DSC2: variants seen among roughly 807,000 people sequenced by gnomAD.
DSC2 encodes desmocollin 2, also known as desmocollin-2.
Under a neutral mutation model 87.6 loss-of-function variants are expected in DSC2, and 51 were observed. The observed-to-expected ratio is 0.58, with a 90% CI of 0.46 to 0.74. The LOEUF (loss-of-function observed/expected upper bound fraction) is 0.74. Among genes scored for constraint, DSC2 ranks in the 30% least tolerant of loss-of-function variants. The pLI is 0.00. For synonymous variants in DSC2, 383 were observed against 393.2 expected, an observed-to-expected ratio of 0.97 and a Z score of 0.31; for missense variants, 1,066 against 1,089.5, an observed-to-expected ratio of 0.98 and a Z score of 0.30.
chr18:31,089,887 A>T (rs964660373), intron 4 of DSC2, among the ~76,000 whole-genome samples: 2 of 152,204 alleles, frequency 1.3e-5, no homozygotes, highest in African/African-American at 4.8e-5. Flanking sequence ...TTCCTGTCTT[A>T]GAAAACAAAG....
intron 1 of DSC2, among the ~76,000 whole-genome samples, chr18:31,098,887 C>G (rs569194861): frequency 6.6e-6 from 1 of 152,102 alleles, no homozygotes; most frequent in Admixed American, 6.5e-5. Context: ...GTGACAGGTA[C>G]AAGTGAATAG....
chr18:31,069,947 G>T (rs1285659833), intron 14 of DSC2, among the ~76,000 whole-genome samples: 1 of 152,040 alleles, frequency 6.6e-6, no homozygotes, highest in East Asian at 1.9e-4. Flanking sequence ...AACTATAATT[G>T]CCATAAAAAT....
At chr18:31,098,010 C>T (rs1987817222) in intron 1 of DSC2, among the ~76,000 whole-genome samples, 1 of 152,132 alleles carries the variant, frequency 6.6e-6, no homozygotes, top group South Asian at 2.1e-4. Context: ...CTTACAAGAG[C>T]TCTTTATGTA....
chr18:31,097,148 C>T (rs62087332), intron 1 of DSC2, among the ~76,000 whole-genome samples: 24,425 of 151,590 alleles, frequency 0.16, 2,244 homozygotes, highest in South Asian at 0.38. Context: ...ATTAGCCAGG[C>T]GTGGTGGCGG....
At position 31,065,837 on chromosome 18, in the gene DSC2, T is replaced by A. The variant is rs1986602160; in HGVS notation, c.*2178A>T. On this transcript the variant is annotated 3_prime_UTR_variant, in exon 16 of 16. Transcript: ENST00000280904. ...TCAGCAATCTTTGCACTACGTATTC[T>A]GAAAAACTGAACATACAAGACCCAG... 6.6e-6 allele frequency: 1 copy of A among 152,160 alleles called. No homozygotes were observed. The highest frequency in any genetic ancestry group is 1.5e-5 in the Non-Finnish European group (1 of 68,034). 9.4% of individuals were successfully genotyped at this position (152,160 alleles called of 1,614,324 possible). A position where few individuals can be genotyped will look rare whatever the true frequency, so the allele number is the denominator to read the frequency against.
chr18:31,090,018 A>G (rs1249259468), intron 4 of DSC2, among the ~76,000 whole-genome samples: 1 of 152,218 alleles, frequency 6.6e-6, no homozygotes, highest in African/African-American at 2.4e-5. Flanking sequence ...AAAAATGTGG[A>G]CAATAATTTC....
intron 1 of DSC2, among the ~76,000 whole-genome samples, chr18:31,099,607 G>C (rs939540022): frequency 3.3e-5 from 5 of 152,076 alleles, no homozygotes; most frequent in South Asian, 2.1e-4. Flanking sequence ...AAAAAGGCGG[G>C]GGGGAGTGAA....
At position 31,082,042 on chromosome 18, in the gene DSC2, A is replaced by T. The variant is rs548379339; in HGVS notation, c.1263+196T>A. On this transcript the variant is annotated intron_variant, in intron 9 of 15. Transcript: ENST00000280904. ...AGATATTGTATTATATGGACTTTTTAAAAAAAAAAATACCTAAACAAAAGA... is the reference window on the plus strand; with the variant it reads ...AGATATTGTATTATATGGACTTTTTTAAAAAAAAAATACCTAAACAAAAGA... 1.1e-3 allele frequency among the ~76,000 whole-genome samples: 143 copies of T among 127,260 alleles called. 1 individual carries two copies. The highest frequency in any genetic ancestry group is 1.8e-3 in the East Asian group (9 of 5,036). 83.5% of individuals were successfully genotyped at this position (127,260 alleles called of 152,430 possible). A position where few individuals can be genotyped will look rare whatever the true frequency, so the allele number is the denominator to read the frequency against.
Position 31,080,311 on chromosome 18 carries a change from A to G in DSC2, c.1305T>C (p.Ile435=). ...YEEKQQMILQ[I]GVVNEAPFSR... is the part of the protein sequence containing the mutation. ...AAAATGGAGCTTCATTAACTACACC[A>G]ATTTGCAAGATCATCTGTTGCTTTT... Residue 435 remains isoleucine, a synonymous_variant, in exon 10 of 16, where the codon ATT becomes ATC. Transcript: ENST00000280904. The G allele has an allele frequency of 6.2e-7, 1 of 1,613,982 alleles. No homozygotes were observed.
At position 31,070,734 on chromosome 18, in the gene DSC2, C is replaced by G; in HGVS notation, c.2242G>C (p.Asp748His). Reference protein sequence around the residue: ...IVSNTEAPGDDKVYSANGFTT... With the variant: ...IVSNTEAPGDHKVYSANGFTT... ...AAAGCCAGACTACTTACCACTTTGT[C>G]ATCTCCAGGAGCTTCTGTGTTTGAT... is the stretch of plus-strand genomic sequence containing the variant. Residue 748 changes from aspartate to histidine, a missense_variant, in exon 14 of 16, where the codon GAC (aspartate) becomes CAC (histidine). Physicochemically the swap from Asp to His is moderately conservative, Grantham distance 81. Transcript: ENST00000280904. The G allele has an allele frequency of 6.2e-7, 1 of 1,613,820 alleles. No homozygotes were observed. Among genetic ancestry groups the G allele is most frequent in the Non-Finnish European group, 8.5e-7 (1 of 1,179,822 alleles).
chr18:31,101,091 G>C, intron 1 of DSC2: 1 of 661,324 alleles, frequency 1.5e-6, no homozygotes, highest in African/African-American at 2.0e-5. Context: ...GGCGCGGGGG[G>C]CGGGTGGTGA....
At position 31,068,036 on chromosome 18, in the gene DSC2, T is replaced by C. The variant is rs1986684956; in HGVS notation, c.2685A>G (p.Ala895=). ...DNLEPKFRTL[A]EACMKR ...ACACTCATCTCTTCATGCATGCTTCTGCTAGTGTCCTAAATTTGGGCTCCA... is the reference window on the plus strand; with the variant it reads ...ACACTCATCTCTTCATGCATGCTTCCGCTAGTGTCCTAAATTTGGGCTCCA... Residue 895 remains alanine (A), a synonymous_variant, in exon 16 of 16, where the codon GCA becomes GCG. Coordinates refer to ENST00000280904, the MANE Select transcript of DSC2 (RefSeq NM_024422.6). The C allele has an allele frequency of 6.2e-7, 1 of 1,613,946 alleles. No individual in the cohort carries two copies.
chr18:31,073,014 C>T (rs186469341), intron 12 of DSC2, among the ~76,000 whole-genome samples: 16 of 152,234 alleles, frequency 1.1e-4, no homozygotes, highest in Middle Eastern at 3.4e-3. Context: ...ATAAATAGCA[C>T]GGTCAGATTT....
intron 11 of DSC2, 37 bp from the exon 12 acceptor site, chr18:31,074,944 T>C: frequency 1.9e-6 from 3 of 1,567,980 alleles, no homozygotes; most frequent in Non-Finnish European, 1.7e-6. Flanking sequence ...TTTCTATGTT[T>C]TGAGTTTTCA....
rs1987147761 is a variant in DSC2 at position 31,079,879 on chromosome 18, A to G, written c.1631T>C (p.Ile544Thr). Residue 544 changes from isoleucine to threonine, a missense_variant, in exon 11 of 16, where the codon ATA becomes ACA. By Grantham distance (89) the Ile-to-Thr change is moderately conservative. Coordinates refer to ENST00000280904, the MANE Select transcript of DSC2 (RefSeq NM_024422.6). ...DREAETIKNG[I>T]YNITVLASDQ... ...TGATGCAAGGACTGTAATATTATAT[A>G]TGCCATTTTTGATGGTCTCTGCCTC... is the stretch of plus-strand genomic sequence containing the variant. 1 of 1,614,000 alleles carries G rather than the reference A, an allele frequency of 6.2e-7. No individual in the cohort carries two copies. The highest frequency in any genetic ancestry group is 1.1e-5 in the South Asian group (1 of 91,082).
At chr18:31,086,799 T>C (rs1167034176) in intron 6 of DSC2, 57 bp from the exon 7 acceptor site, 7 of 1,563,262 alleles carry the variant, frequency 4.5e-6, no homozygotes, top group Non-Finnish European at 6.1e-6. Flanking sequence ...TATGTTCCCT[T>C]TATTTCATTC....
chr18:31,101,606 C>G, intron 1 of DSC2: 2 of 388,766 alleles, frequency 5.1e-6, no homozygotes, highest in Non-Finnish European at 4.6e-6. Flanking sequence ...CTCCCCGGCG[C>G]GTACCCAGGG....
intron 1 of DSC2, among the ~76,000 whole-genome samples, chr18:31,098,981 C>T (rs1461570731): frequency 1.3e-5 from 2 of 152,120 alleles, no homozygotes; most frequent in East Asian, 1.9e-4. Context: ...AAACAAACAG[C>T]TTTCAGACTT....
intron 1 of DSC2, chr18:31,101,078 G>A (rs1987929414): frequency 2.0e-6 from 1 of 508,406 alleles, no homozygotes; most frequent in Non-Finnish European, 2.5e-6. Context: ...GGCAAGGGGC[G>A]GTGGCGCGGG....
Sources: gnomAD v4.1 joint callset for allele counts (sites outside exome capture counted in the v4.1 genomes callset) on GRCh38, gnomAD v4.1.1 for gene constraint, MANE v1.5 for transcripts, NCBI Gene and HGNC (gene_info 2026-07-23, HGNC 2026-07-21) for gene names.